OAT: variants seen among roughly 807,000 people sequenced by gnomAD.
OAT encodes ornithine aminotransferase.
In OAT, 35 loss-of-function variants were observed where a neutral mutation model predicts 48.4. That is an observed-to-expected ratio of 0.72 (90% CI 0.55 to 0.96). The LOEUF (loss-of-function observed/expected upper bound fraction) is 0.96. OAT is among the 40% of genes least tolerant of loss of function. OAT has a pLI of 0.00. For synonymous variants in OAT, 182 were observed against 198.4 expected, an observed-to-expected ratio of 0.92 and a Z score of 0.70; for missense variants, 438 against 537.9, an observed-to-expected ratio of 0.81 and a Z score of 1.84.
Position 124,397,631 on chromosome 10 carries a change from A to G in OAT, c.*311T>C, listed in dbSNP as rs753216934. 45 of 271,720 alleles carry G rather than the reference A, an allele frequency of 1.7e-4. No homozygotes were observed. Among genetic ancestry groups the G allele is most frequent in the African/African-American group, 8.9e-4 (40 of 44,858 alleles). 16.8% of individuals were successfully genotyped at this position (271,720 alleles called of 1,614,324 possible). The stretch of plus-strand genomic sequence containing the variant: ...ACCAGTGAGGAAATTATAAAAACAT[A>G]TATCAATTATACTGAAGGACTTGAT... On this transcript the variant is annotated 3_prime_UTR_variant, in exon 10 of 10. Transcript: ENST00000368845.
At chr10:124,403,715 G>A in intron 6 of OAT, 83 bp downstream of exon 6, 1 of 1,563,116 alleles carries the variant, frequency 6.4e-7, no homozygotes, top group Non-Finnish European at 8.8e-7. Flanking sequence ...AATTCAGAGA[G>A]GAGTTGGGGA....
At chr10:124,410,861 C>G (rs560634967) in intron 2 of OAT, among the ~76,000 whole-genome samples, 1 of 151,838 alleles carries the variant, frequency 6.6e-6, no homozygotes. Flanking sequence ...TGTCATGTGG[C>G]GGGGCGCGGT....
At position 124,397,848 on chromosome 10, in the gene OAT, G is replaced by A; in HGVS notation, c.*94C>T. On this transcript the variant is annotated 3_prime_UTR_variant, in exon 10 of 10. Coordinates refer to ENST00000368845, the MANE Select transcript of OAT (RefSeq NM_000274.4). The stretch of plus-strand genomic sequence containing the variant: ...AAAAAAAAAGTTTTTGAAGACTCAT[G>A]GGAGTGGAATGTGCCCACATTAGGA... 6.8e-7 allele frequency: 1 copy of A among 1,477,876 alleles called. No individual in the cohort carries two copies. The highest frequency in any genetic ancestry group is 2.3e-5 in the East Asian group (1 of 44,180). The allele number at this position is 1,477,876 out of a possible 1,614,324, so 91.5% of individuals were successfully genotyped here.
At chr10:124,409,944 T>C (rs1166228072) in intron 2 of OAT, among the ~76,000 whole-genome samples, 3 of 152,226 alleles carry the variant, frequency 2.0e-5, no homozygotes, top group Non-Finnish European at 2.9e-5. Context: ...ATTGGCACTC[T>C]CATACATTGC....
rs1432151467 is a variant in OAT at position 124,400,895 on chromosome 10, TACA to T, written c.1101_1103del (p.Val368del). On this transcript the variant is annotated inframe_deletion, in exon 9 of 10. Transcript: ENST00000368845. ...ATAATCCTTTTCCTCTTACGGCAGT[TACA>T]ACATCAGAAGGTAGCTTCATGAGTT... 3 of 1,607,122 alleles carry T rather than the reference TACA, an allele frequency of 1.9e-6. No individual in the cohort carries two copies. The highest frequency in any genetic ancestry group is 2.2e-5 in the East Asian group (1 of 44,812).
rs750442284 is a variant in OAT, at chr10:124,412,030, A to C, written c.142T>G (p.Tyr48Asp). 3 of 1,614,222 alleles carry C rather than the reference A, an allele frequency of 1.9e-6. No homozygotes were observed. Among genetic ancestry groups the C allele is most frequent in the Non-Finnish European group, 2.5e-6 (3 of 1,180,040 alleles). Reference sequence around the variant, plus strand: ...TGGTAGTTGTGTGCACCATACTTATATTCCCTTTCAAAAATGTCATCAGAG... The same window carrying C: ...TGGTAGTTGTGTGCACCATACTTATCTTCCCTTTCAAAAATGTCATCAGAG... ...PTSDDIFERE[Y>D]KYGAHNYHPL... The change falls in exon 2 of 10, where the codon TAT becomes GAT. Residue 48 changes from tyrosine (Y) to aspartate (D), a missense_variant. By Grantham distance (160) the Tyr-to-Asp change is radical. Coordinates refer to ENST00000368845, the MANE Select transcript of OAT (RefSeq NM_000274.4).
chr10:124,404,261 A>T (rs577027204), intron 5 of OAT, among the ~76,000 whole-genome samples: 1 of 143,576 alleles, frequency 7.0e-6, no homozygotes, highest in African/African-American at 2.6e-5. Context: ...CTAATTTTTT[A>T]TTTATTTTCA....
At chr10:124,407,211 C>T in intron 4 of OAT, 1 of 985,430 alleles carries the variant, frequency 1.0e-6, no homozygotes, top group Non-Finnish European at 1.2e-6. Flanking sequence ...AGAAGAAATG[C>T]ACTGATTAGA....
Position 124,400,837 on chromosome 10 carries a change from T to A in OAT, c.1159+3A>T, listed in dbSNP as rs1473814378. On this transcript the variant is annotated splice_donor_region_variant and intron_variant, in intron 9 of 9. Transcript: ENST00000368845. Reference sequence around the variant, plus strand: ...ATCTTGAGTAAATGTTTTATCTCCATACCTTTGGTTTCTTTAATGACAATA... The same window carrying A: ...ATCTTGAGTAAATGTTTTATCTCCAAACCTTTGGTTTCTTTAATGACAATA... The A allele has an allele frequency of 6.3e-7, 1 of 1,590,588 alleles. No individual in the cohort carries two copies. The highest frequency in any genetic ancestry group is 8.6e-7 in the Non-Finnish European group (1 of 1,161,466).
rs2134440659 is a variant in OAT at position 124,398,099 on chromosome 10, C to T, written c.1163G>A (p.Trp388Ter). The stretch of plus-strand genomic sequence containing the variant: ...TCGTAGACACACCTTCCAAGCATCC[C>T]AATCTAAAGAAAAATAGTAAAACGT... ...NAIVIKETKD[W>*]DAWKVCLRLR... is the part of the protein sequence containing the mutation. Residue 388 changes from tryptophan (W) to a stop codon, truncating the protein, a stop_gained, in exon 10 of 10, where the codon TGG becomes TAG. Coordinates refer to ENST00000368845, the MANE Select transcript of OAT (RefSeq NM_000274.4). LOFTEE classifies it high-confidence loss of function. 6.2e-7 allele frequency: 1 copy of T among 1,614,060 alleles called. No individual in the cohort carries two copies. Among genetic ancestry groups the T allele is most frequent in the East Asian group, 2.2e-5 (1 of 44,890 alleles).
intron 8 of OAT, among the ~76,000 whole-genome samples, 161 bp downstream of exon 8, chr10:124,401,565 T>C (rs1432995050): frequency 6.6e-6 from 1 of 152,266 alleles, no homozygotes; most frequent in Non-Finnish European, 1.5e-5. Context: ...TTTAAATTAC[T>C]TTTTGAGAAT....
chr10:124,416,929 C>G (rs1272548743), intron 1 of OAT, among the ~76,000 whole-genome samples: 1 of 150,572 alleles, frequency 6.6e-6, no homozygotes, highest in African/African-American at 2.4e-5. Flanking sequence ...AGTATTCTGG[C>G]TAAAATTCAA....
rs569643828 is a variant in OAT, at chr10:124,402,998, C to G, written c.829G>C (p.Ala277Pro). 1 of 1,614,108 alleles carries G rather than the reference C, an allele frequency of 6.2e-7. No homozygotes were observed. Among genetic ancestry groups the G allele is most frequent in the Admixed American group, 1.7e-5 (1 of 60,016 alleles). ...GGTCTGACATTTTCATAATCAACAG[C>G]CAGCCATCTACCAGTTCTGGCCAAT... ...TGLARTGRWLAVDYENVRPDI... is the reference protein window; with the variant it reads ...TGLARTGRWLPVDYENVRPDI... The change falls in exon 7 of 10, where the codon GCT becomes CCT. Residue 277 changes from alanine to proline, a missense_variant. By Grantham distance (27) the Ala-to-Pro change is conservative. Transcript: ENST00000368845.
chr10:124,408,500 T>C (rs1413526428), intron 4 of OAT, 42 bp downstream of exon 4: 2 of 1,521,602 alleles, frequency 1.3e-6, no homozygotes, highest in Non-Finnish European at 1.8e-6. Flanking sequence ...TAAATTATAT[T>C]GTATGTTTCA....
rs555483517 is a variant in OAT, at chr10:124,401,944, T to C, written c.901-105A>G. The stretch of plus-strand genomic sequence containing the variant: ...TCACCCAGGCTTGAGTGCAGTGGCG[T>C]GATCTCAGCTCACTGCAATCTCTGC... On this transcript the variant is annotated intron_variant, in intron 7 of 9. Transcript: ENST00000368845. The C allele has an allele frequency of 2.5e-4, 203 of 806,540 alleles. 1 individual carries two copies. The highest frequency in any genetic ancestry group is 3.9e-4 in the Non-Finnish European group (187 of 478,512). 50.0% of individuals were successfully genotyped at this position (806,540 alleles called of 1,614,324 possible).
At position 124,398,001 on chromosome 10, in the gene OAT, T is replaced by G. The variant is rs1434415037; in HGVS notation, c.1261A>C (p.Lys421Gln). ...IIRFAPPLVI[K>Q]EDELRESIEI... ...ATGGACTCTCGAAGCTCATCCTCCT[T>G]GATCACCAGCGGAGGCGCAAACCTG... The change falls in exon 10 of 10, where the codon AAG (lysine) becomes CAG (glutamine). Residue 421 changes from lysine to glutamine, a missense_variant. Lys to Gln is a moderately conservative substitution (Grantham distance 53). Transcript: ENST00000368845. 6.2e-7 allele frequency: 1 copy of G among 1,613,988 alleles called. No individual in the cohort carries two copies. The highest frequency in any genetic ancestry group is 2.2e-5 in the East Asian group (1 of 44,882).
At chr10:124,414,834 C>A (rs1039199543) in intron 1 of OAT, 2 of 152,020 alleles carry the variant, frequency 1.3e-5, no homozygotes, top group Non-Finnish European at 2.9e-5. Flanking sequence ...ATAATCCCAG[C>A]GCTTTGGGAG....
At chr10:124,404,198 C>A (rs1333244491) in intron 5 of OAT, among the ~76,000 whole-genome samples, 1 of 152,044 alleles carries the variant, frequency 6.6e-6, no homozygotes, top group East Asian at 1.9e-4. Flanking sequence ...AACTCCTGGG[C>A]TCAAGGTGAT....
intron 8 of OAT, among the ~76,000 whole-genome samples, chr10:124,401,498 G>T (rs976176270): frequency 6.6e-6 from 1 of 152,232 alleles, no homozygotes. Flanking sequence ...AACTCAAAGC[G>T]CCAGGTGACT....
Sources: allele counts gnomAD v4.1 joint callset (sites outside exome capture counted in the v4.1 genomes callset), GRCh38; gene constraint gnomAD v4.1.1; transcripts MANE v1.5; gene names NCBI Gene and HGNC (gene_info 2026-07-23, HGNC 2026-07-21).